SCUBE1: variants seen among roughly 807,000 people sequenced by gnomAD.
SCUBE1 encodes signal peptide, CUB and EGF-like domain-containing protein 1.
In SCUBE1, 59 loss-of-function variants were observed where a neutral mutation model predicts 124.4. That is an observed-to-expected ratio of 0.47 (90% CI 0.38 to 0.59). The LOEUF is 0.59. SCUBE1 is among the 20% of genes least tolerant of loss of function. The pLI is 0.00. For missense variants in SCUBE1, 1,150 were observed against 1,371.2 expected (o/e 0.84, Z 2.55); for synonymous variants, 545 against 550.9 (o/e 0.99, Z 0.15).
chr22:43,240,449 C>T (rs553002205), intron 6 of SCUBE1, among the ~76,000 whole-genome samples: 2 of 152,338 alleles, frequency 1.3e-5, no homozygotes, highest in South Asian at 2.1e-4. Flanking sequence ...ACCCCAGACA[C>T]GGAGGGAAGG....
At chr22:43,326,874 G>A (rs1489139551) in intron 2 of SCUBE1, among the ~76,000 whole-genome samples, 1 of 151,970 alleles carries the variant, frequency 6.6e-6, no homozygotes, top group Non-Finnish European at 1.5e-5. Flanking sequence ...TCTGCATCCT[G>A]AGCCCCAGCA....
chr22:43,281,556 TCC>T lies in SCUBE1; in HGVS notation c.484+9488_484+9489del, dbSNP rs769072325. ...CTCCCTCAGTCACCCTCCTGTCACC[TCC>T]CCCTCAGCCACCCTCCTGTCACCTC... On this transcript the variant is annotated intron_variant, in intron 4 of 21. Coordinates refer to ENST00000360835, the MANE Select transcript of SCUBE1 (RefSeq NM_173050.5). 5.8e-3 allele frequency among the ~76,000 whole-genome samples: 462 copies of T among 80,048 alleles called. 22 individuals carry two copies. In the East Asian group the frequency reaches 0.075, roughly 13 times the overall value. 52.5% of individuals were successfully genotyped at this position (80,048 alleles called of 152,430 possible).
chr22:43,218,489 C>A (rs534574019), intron 14 of SCUBE1, 31 bp from the exon 15 acceptor site: 3 of 1,599,018 alleles, frequency 1.9e-6, no homozygotes, highest in East Asian at 4.5e-5. Flanking sequence ...GAACATGAAT[C>A]GCTGGCAACC....
chr22:43,238,764 G>C (rs755019440), intron 7 of SCUBE1, 74 bp downstream of exon 7: 2 of 1,241,818 alleles, frequency 1.6e-6, no homozygotes, highest in Non-Finnish European at 2.4e-6. Context: ...CCCTGGGCCC[G>C]GCTATGCAAG....
rs754373422 is a variant in SCUBE1, at chr22:43,210,283, G to A, written c.2384-43C>T. On this transcript the variant is annotated intron_variant, in intron 18 of 21. Transcript: ENST00000360835. This position sits in a 1 kb window ranked among gnomAD's most constrained non-coding sequence, Gnocchi z 4.5. ...CGAGGGCCTCATCAGGCTCTGCTGG[G>A]CAGGGGCCCTGGCCGGCCAGGCCTC... 4 of 1,466,240 alleles carry A rather than the reference G, an allele frequency of 2.7e-6. No homozygotes were observed. Among genetic ancestry groups the A allele is most frequent in the Non-Finnish European group, 3.6e-6 (4 of 1,111,172 alleles). The allele number at this position is 1,466,240 out of a possible 1,614,324, so 90.8% of individuals were successfully genotyped here.
intron 1 of SCUBE1, among the ~76,000 whole-genome samples, chr22:43,340,436 T>C (rs1927273153): frequency 6.6e-6 from 1 of 151,850 alleles, no homozygotes; most frequent in Admixed American, 6.6e-5. Context: ...AGATTCTGTG[T>C]ATCCATTCCA....
intron 4 of SCUBE1, among the ~76,000 whole-genome samples, chr22:43,290,463 G>A (rs1368746474): frequency 6.6e-6 from 1 of 152,244 alleles, no homozygotes; most frequent in East Asian, 1.9e-4. Flanking sequence ...TTGGCTGGTG[G>A]CCAGGCTCCA....
intron 3 of SCUBE1, among the ~76,000 whole-genome samples, chr22:43,312,915 G>A (rs1461887768): frequency 2.0e-5 from 3 of 152,178 alleles, no homozygotes; most frequent in Non-Finnish European, 4.4e-5. Flanking sequence ...TATGGGGCGG[G>A]GGTGGGCAGC....
intron 4 of SCUBE1, among the ~76,000 whole-genome samples, chr22:43,280,844 C>T (rs1171456360): frequency 2.5e-5 from 2 of 78,590 alleles, no homozygotes; most frequent in Non-Finnish European, 5.2e-5. Context: ...CCTCTTTGGC[C>T]ACCCTCCTGT....
intron 15 of SCUBE1, among the ~76,000 whole-genome samples, chr22:43,216,292 C>T (rs1195660595): frequency 6.6e-6 from 1 of 150,892 alleles, no homozygotes; most frequent in East Asian, 2.0e-4. Flanking sequence ...GGTGATCCAC[C>T]TGTCTCGGCC....
chr22:43,203,829 C>T lies in SCUBE1; in HGVS notation c.*168G>A, dbSNP rs755003274. On this transcript the variant is annotated 3_prime_UTR_variant, in exon 22 of 22. Transcript: ENST00000360835. Reference sequence around the variant, plus strand: ...AAGCAGGGTGCTCCCACAGGGGCAGCGGGTCCGAAGGGTGCCTGGGCTCGG... The same window carrying T: ...AAGCAGGGTGCTCCCACAGGGGCAGTGGGTCCGAAGGGTGCCTGGGCTCGG... 4.7e-5 allele frequency: 30 copies of T among 638,236 alleles called. No individual in the cohort carries two copies. The highest frequency in any genetic ancestry group is 3.5e-4 in the South Asian group (17 of 48,702). 39.5% of individuals were successfully genotyped at this position (638,236 alleles called of 1,614,324 possible). A position where few individuals can be genotyped will look rare whatever the true frequency, so the allele number is the denominator to read the frequency against.
intron 3 of SCUBE1, among the ~76,000 whole-genome samples, chr22:43,316,538 G>A (rs934654647): frequency 2.0e-5 from 3 of 152,170 alleles, no homozygotes; most frequent in Non-Finnish European, 4.4e-5. Context: ...CACGATCAAC[G>A]TTGTGTGGTC....
At chr22:43,275,995 CT>C (rs59086667) in intron 4 of SCUBE1, 9,665 of 152,754 alleles carry the variant, frequency 0.063, 711 homozygotes, top group East Asian at 0.2. Flanking sequence ...GGTGAGGAAG[CT>C]GGCTGGGTTT....
At chr22:43,280,442 CCCCTG>C (rs1569009348) in intron 4 of SCUBE1, among the ~76,000 whole-genome samples, 21 of 122,212 alleles carry the variant, frequency 1.7e-4, no homozygotes, top group East Asian at 1.2e-3. Context: ...CTCACCCATC[CCCCTG>C]TCCCTTCCCC....
rs1247631955 is a variant in SCUBE1, at chr22:43,258,289, G to A, written c.657C>T (p.Asp219=). 1 of 1,614,180 alleles carries A rather than the reference G, an allele frequency of 6.2e-7. No individual in the cohort carries two copies. Among genetic ancestry groups the A allele is most frequent in the East Asian group, 2.2e-5 (1 of 44,888 alleles). Residue 219 remains aspartate (D), a synonymous_variant, in exon 6 of 22, where the codon GAC becomes GAT. Transcript: ENST00000360835. The surrounding 1 kb of genome is among the most constrained non-coding windows in gnomAD (Gnocchi z 5.0). ...GNGGCQHSCE[D]TDTGPTCGCH... is the part of the protein sequence containing the mutation. Reference sequence around the variant, plus strand: ...AACCACACGTGGGGCCTGTGTCTGTGTCCTCACAGCTGTGCTGGCAGCCTC... The same window carrying A: ...AACCACACGTGGGGCCTGTGTCTGTATCCTCACAGCTGTGCTGGCAGCCTC...
At chr22:43,304,896 A>G (rs1415976554) in intron 3 of SCUBE1, among the ~76,000 whole-genome samples, 3 of 152,100 alleles carry the variant, frequency 2.0e-5, no homozygotes, top group Non-Finnish European at 4.4e-5. Flanking sequence ...AAAGGACACC[A>G]TAGTGGGAGT....
intron 7 of SCUBE1, 51 bp from the exon 8 acceptor site, chr22:43,231,926 T>C (rs1445295446): frequency 6.3e-7 from 1 of 1,598,516 alleles, no homozygotes. Context: ...AATCAGCTTG[T>C]GTGACCAGCG....
chr22:43,277,219 C>T (rs975480817), intron 4 of SCUBE1, among the ~76,000 whole-genome samples: 3 of 151,992 alleles, frequency 2.0e-5, no homozygotes, highest in Non-Finnish European at 4.4e-5. Flanking sequence ...GGGCAGAGGC[C>T]GGGATGAGAA....
At chr22:43,305,086 C>T (rs1925918265) in intron 3 of SCUBE1, among the ~76,000 whole-genome samples, 1 of 152,176 alleles carries the variant, frequency 6.6e-6, no homozygotes, top group South Asian at 2.1e-4. Flanking sequence ...GCTTTCATTC[C>T]ATTCCATCTT....
Sources: gnomAD v4.1 joint callset for allele counts (sites outside exome capture counted in the v4.1 genomes callset) on GRCh38, gnomAD v4.1.1 for gene constraint, Gnocchi (gnomAD v3.1) non-coding constraint, MANE v1.5 for transcripts, NCBI Gene and HGNC (gene_info 2026-07-23, HGNC 2026-07-21) for gene names.